CLNK: variants seen among roughly 807,000 people sequenced by gnomAD.
The protein encoded by CLNK is cytokine dependent hematopoietic cell linker.
In CLNK, 74 loss-of-function variants were observed where a neutral mutation model predicts 68.6. That is an observed-to-expected ratio of 1.08 (90% CI 0.89 to 1.31). CLNK has a LOEUF of 1.31. Ranked by LOEUF, CLNK falls within the 50% of genes most tolerant of loss-of-function variation. The pLI is 0.00. For synonymous variants in CLNK, 198 were observed against 172.2 expected, an observed-to-expected ratio of 1.15 and a Z score of -1.17; for missense variants, 553 against 515.3, an observed-to-expected ratio of 1.07 and a Z score of -0.71.
chr4:10,600,682 C>A (rs1721560513), intron 2 of CLNK, among the ~76,000 whole-genome samples: 1 of 152,168 alleles, frequency 6.6e-6, no homozygotes, highest in African/African-American at 2.4e-5. Context: ...TACCTAGATG[C>A]AAATACATAA....
intron 2 of CLNK, among the ~76,000 whole-genome samples, chr4:10,647,877 C>G (rs1723572157): frequency 6.6e-6 from 1 of 152,318 alleles, no homozygotes; most frequent in South Asian, 2.1e-4. Context: ...GATGCTCCTC[C>G]TCTTATCCTC....
intron 2 of CLNK, among the ~76,000 whole-genome samples, chr4:10,663,755 A>G (rs1244854859): frequency 6.6e-6 from 1 of 152,188 alleles, no homozygotes; most frequent in African/African-American, 2.4e-5. Context: ...GAACCCCTTA[A>G]CTTCATATGT....
chr4:10,550,364 G>A (rs1234276010), intron 8 of CLNK, among the ~76,000 whole-genome samples: 2 of 152,018 alleles, frequency 1.3e-5, no homozygotes, highest in African/African-American at 2.4e-5. Context: ...GCGTGGTGGC[G>A]GGCGCCTGTA....
chr4:10,691,014 A>C, the CLNK span, among the ~76,000 whole-genome samples: 7 of 152,152 alleles, frequency 4.6e-5, no homozygotes, highest in African/African-American at 1.2e-4. Context: ...ATGGAGGTCT[A>C]AGTCTGCATC....
intron 3 of CLNK, among the ~76,000 whole-genome samples, chr4:10,585,474 T>G (rs1198175850): frequency 6.6e-6 from 1 of 152,250 alleles, no homozygotes; most frequent in Non-Finnish European, 1.5e-5. Flanking sequence ...CAGCTGTTTC[T>G]GTACCTCACT....
intron 15 of CLNK, 90 bp from the exon 16 acceptor site, chr4:10,513,687 C>T (rs893445144): frequency 2.8e-5 from 36 of 1,303,064 alleles, no homozygotes; most frequent in Non-Finnish European, 3.6e-5. Context: ...CCCTTTGCTC[C>T]TTCCTATATC....
At chr4:10,615,516 C>T (rs1722194542) in intron 2 of CLNK, among the ~76,000 whole-genome samples, 1 of 150,220 alleles carries the variant, frequency 6.7e-6, no homozygotes, top group African/African-American at 2.5e-5. Context: ...GACTCTGTCT[C>T]AAAAAACAAA....
At chr4:10,711,648 G>A in the CLNK span, among the ~76,000 whole-genome samples, 6 of 152,250 alleles carry the variant, frequency 3.9e-5, no homozygotes, top group South Asian at 6.2e-4. Context: ...GAACATTAGT[G>A]GTGGAGGAGT....
the CLNK span, among the ~76,000 whole-genome samples, chr4:10,709,244 C>G: frequency 1.3e-5 from 2 of 152,284 alleles, no homozygotes; most frequent in African/African-American, 4.8e-5. Context: ...CATAGACTAT[C>G]TATAAATTTC....
chr4:10,585,074 T>A (rs1020705567), intron 3 of CLNK, 119 bp from the exon 4 acceptor site: 2 of 906,038 alleles, frequency 2.2e-6, no homozygotes, highest in Non-Finnish European at 3.6e-6. Flanking sequence ...GAAGCTGCTT[T>A]ATGTATGTAC....
At chr4:10,722,712 C>T in the CLNK span, among the ~76,000 whole-genome samples, 1 of 152,306 alleles carries the variant, frequency 6.6e-6, no homozygotes, top group East Asian at 1.9e-4. Flanking sequence ...TGGGCCCAAG[C>T]AAACAGCTCA....
intron 2 of CLNK, among the ~76,000 whole-genome samples, chr4:10,620,368 C>T (rs896814457): frequency 2.6e-5 from 4 of 152,204 alleles, no homozygotes; most frequent in African/African-American, 9.7e-5. Flanking sequence ...CATGTCAACA[C>T]CAATGCCAGA....
chr4:10,634,599 T>C (rs1374734699), intron 2 of CLNK, among the ~76,000 whole-genome samples: 1 of 152,174 alleles, frequency 6.6e-6, no homozygotes, highest in African/African-American at 2.4e-5. Context: ...TAGCGCTAAT[T>C]ACTCTAAGTA....
chr4:10,605,714 G>A (rs895384507), intron 2 of CLNK, among the ~76,000 whole-genome samples: 2 of 147,658 alleles, frequency 1.4e-5, no homozygotes, highest in African/African-American at 5.0e-5. Context: ...TGTAGTCTCA[G>A]CTACTTGGGA....
intron 3 of CLNK, among the ~76,000 whole-genome samples, chr4:10,585,641 T>G (rs933878456): frequency 6.6e-6 from 1 of 152,136 alleles, no homozygotes; most frequent in Non-Finnish European, 1.5e-5. Flanking sequence ...TCAGCTGAAG[T>G]TTTTCTTTTA....
In CLNK at chr4:10,520,964, C is replaced by T. The variant is rs1489351957; in HGVS notation, c.732-133G>A. The T allele has an allele frequency of 2.1e-5, 14 of 671,354 alleles. No individual in the cohort carries two copies. In the South Asian group the frequency reaches 2.4e-4, roughly 12 times the overall value. 41.6% of individuals were successfully genotyped at this position (671,354 alleles called of 1,614,324 possible). On this transcript the variant is annotated intron_variant, in intron 14 of 18. Transcript: ENST00000226951. ...AGCACTTTATATTTTACTGGATATGCTAGAAGAATCATTTGTTTTGAAAAG... is the reference window on the plus strand; with the variant it reads ...AGCACTTTATATTTTACTGGATATGTTAGAAGAATCATTTGTTTTGAAAAG...
intron 2 of CLNK, among the ~76,000 whole-genome samples, chr4:10,653,436 A>T (rs575520109): frequency 6.6e-6 from 1 of 152,200 alleles, no homozygotes; most frequent in African/African-American, 2.4e-5. Context: ...TACAACTGCC[A>T]TATGATTAAG....
At chr4:10,586,964 T>TC (rs1264464787) in intron 3 of CLNK, among the ~76,000 whole-genome samples, 2 of 145,752 alleles carry the variant, frequency 1.4e-5, no homozygotes, top group African/African-American at 5.0e-5. Flanking sequence ...ATTTTTTTTC[T>TC]TTTTTTTTTT....
intron 2 of CLNK, among the ~76,000 whole-genome samples, chr4:10,624,638 T>C (rs1387642127): frequency 7.6e-6 from 1 of 132,146 alleles, no homozygotes. Flanking sequence ...TGATAGCAAA[T>C]ACAGCAGGTG....
Sources: gnomAD v4.1 joint callset for allele counts (sites outside exome capture counted in the v4.1 genomes callset) on GRCh38, gnomAD v4.1.1 for gene constraint, MANE v1.5 for transcripts, NCBI Gene and HGNC (gene_info 2026-07-23, HGNC 2026-07-21) for gene names.